NUP54: variants seen among roughly 807,000 people sequenced by gnomAD.
The protein encoded by NUP54 is nucleoporin 54.
NUP54 carries 27 observed loss-of-function variants against 66.4 expected under a neutral mutation model. That is an observed-to-expected ratio of 0.41 (90% CI 0.30 to 0.56). The LOEUF is 0.56. Ranked by LOEUF, NUP54 falls within the 20% of genes least tolerant of loss-of-function variation. NUP54 has a pLI of 0.34. For synonymous variants in NUP54, 206 were observed against 210.7 expected (o/e 0.98, Z 0.19); for missense variants, 486 against 596.3 (o/e 0.82, Z 1.93).
intron 8 of NUP54, among the ~76,000 whole-genome samples, chr4:76,126,635 C>T (rs970474344): frequency 8.7e-6 from 1 of 115,074 alleles, no homozygotes; most frequent in African/African-American, 2.8e-5. Context: ...AATACTAAAA[C>T]CATCTAGGAA....
chr4:76,146,572 C>T (rs918647456), intron 1 of NUP54, among the ~76,000 whole-genome samples: 2 of 149,196 alleles, frequency 1.3e-5, no homozygotes, highest in Non-Finnish European at 3.0e-5. Context: ...TCCCAATTAA[C>T]TTTTAGGGAG....
chr4:76,136,408 T>A lies in NUP54; in HGVS notation c.300A>T (p.Leu100Phe). ...FNTQQQQQTT[L>F]GGLFSQPTQA... Reference sequence around the variant, plus strand: ...GTGTAGGCTGACTGAAGAGACCACCTAATGCTAAAAATGTACCCAAAATTA... The same window carrying A: ...GTGTAGGCTGACTGAAGAGACCACCAAATGCTAAAAATGTACCCAAAATTA... Residue 100 changes from leucine (L) to phenylalanine (F), a missense_variant, in exon 4 of 12, where the codon TTA becomes TTT. Leu to Phe is a conservative substitution (Grantham distance 22). Coordinates refer to ENST00000264883, the MANE Select transcript of NUP54 (RefSeq NM_017426.4). The A allele has an allele frequency of 1.2e-6, 2 of 1,608,844 alleles. No individual in the cohort carries two copies.
chr4:76,140,071 T>C lies in NUP54; in HGVS notation c.296-3659A>G, dbSNP rs1466408265. 2.0e-5 allele frequency among the ~76,000 whole-genome samples: 3 copies of C among 152,036 alleles called. No homozygotes were observed. The East Asian group carries it at 5.8e-4, about 29-fold the overall frequency. On this transcript the variant is annotated intron_variant, in intron 3 of 11. Transcript: ENST00000264883. ...TTGTTATTACTGTTTCAAGAAAAAA[T>C]AAACTTTGAGTTACTTAAATGTGGA...
chr4:76,148,112 G>T, intron 1 of NUP54, 196 bp downstream of exon 1: 1 of 433,818 alleles, frequency 2.3e-6, no homozygotes, highest in Non-Finnish European at 4.1e-6. Context: ...AGCTTCTAGT[G>T]GGACCCCGAG....
intron 3 of NUP54, among the ~76,000 whole-genome samples, chr4:76,140,805 C>G (rs960444198): frequency 1.5e-4 from 23 of 152,098 alleles, no homozygotes; most frequent in Non-Finnish European, 1.9e-4. Context: ...CTTTCTCAAG[C>G]AATATCTACA....
In NUP54 at chr4:76,144,707, T is replaced by A. The variant is rs1015637636; in HGVS notation, c.68-234A>T. On this transcript the variant is annotated intron_variant, in intron 1 of 11. Coordinates refer to ENST00000264883, the MANE Select transcript of NUP54 (RefSeq NM_017426.4). The stretch of plus-strand genomic sequence containing the variant: ...AATAGAAATATCACAATGTAATATA[T>A]ACCCTTCAATTAAAGGGGTGGTTAA... Among the ~76,000 whole-genome samples the A allele has an allele frequency of 4.6e-5, 7 of 152,294 alleles. 1 individual carries two copies. The highest frequency in any genetic ancestry group is 1.7e-4 in the African/African-American group (7 of 41,564).
At position 76,118,143 on chromosome 4, in the gene NUP54, C is replaced by T; in HGVS notation, c.1216G>A (p.Asp406Asn). ...QRKSGYAIQA[D>N]EEQLRVQLDT... ...AGCTGAACTCGCAACTGCTCTTCAT[C>T]AGCCTGAATGGCATAACCACTCTTC... Residue 406 changes from aspartate to asparagine, a missense_variant, in exon 10 of 12, where the codon GAT becomes AAT. Physicochemically the swap from Asp to Asn is conservative, Grantham distance 23. Around this residue, in one of 4 missense-constraint regions of NUP54, gnomAD observed 83 missense variants for 128.6 expected, o/e 0.65. Transcript: ENST00000264883. The T allele has an allele frequency of 6.2e-7, 1 of 1,613,590 alleles. No individual in the cohort carries two copies. Among genetic ancestry groups the T allele is most frequent in the Non-Finnish European group, 8.5e-7 (1 of 1,179,520 alleles).
intron 8 of NUP54, among the ~76,000 whole-genome samples, chr4:76,125,139 G>GA (rs76968621): frequency 0.13 from 19,894 of 151,714 alleles, 1,523 homozygotes; most frequent in East Asian, 0.35. Flanking sequence ...AAAATACAAA[G>GA]AAGTAGCTGG....
chr4:76,139,352 T>C (rs922871004), intron 3 of NUP54, among the ~76,000 whole-genome samples: 3 of 152,168 alleles, frequency 2.0e-5, no homozygotes, highest in Non-Finnish European at 4.4e-5. Context: ...ACAGCACCAC[T>C]TGCAAAATGT....
rs1046109020 is a variant in NUP54 at position 76,119,083 on chromosome 4, C to T, written c.1165-889G>A. Among the ~76,000 whole-genome samples, 12 of 152,154 alleles carry T rather than the reference C, an allele frequency of 7.9e-5. 1 individual carries two copies. Among genetic ancestry groups the T allele is most frequent in the African/African-American group, 1.2e-4 (5 of 41,444 alleles). On this transcript the variant is annotated intron_variant, in intron 9 of 11. Transcript: ENST00000264883. ...TAGACAACATAATACCAGTTTCAGACATTTACTCACAGCCTTTCCAAATAA... is the reference window on the plus strand; with the variant it reads ...TAGACAACATAATACCAGTTTCAGATATTTACTCACAGCCTTTCCAAATAA...
Position 76,136,173 on chromosome 4 carries a change from G to C in NUP54, c.522+13C>G. On this transcript the variant is annotated intron_variant, in intron 4 of 11. Coordinates refer to ENST00000264883, the MANE Select transcript of NUP54 (RefSeq NM_017426.4). ...AAATCTTCAACTGAAGATAAAAATA[G>C]TATTAATAATACCTTAAATCGGCAA... 1 of 1,560,074 alleles carries C rather than the reference G, an allele frequency of 6.4e-7. No homozygotes were observed. The highest frequency in any genetic ancestry group is 8.8e-7 in the Non-Finnish European group (1 of 1,132,384).
chr4:76,129,276 T>C (rs973289360), intron 8 of NUP54, among the ~76,000 whole-genome samples: 12 of 152,096 alleles, frequency 7.9e-5, no homozygotes, highest in African/African-American at 2.7e-4. Context: ...AAGAGGGATA[T>C]GATATAATAA....
chr4:76,131,687 T>C (rs1730809413), intron 6 of NUP54, among the ~76,000 whole-genome samples: 2 of 152,080 alleles, frequency 1.3e-5, no homozygotes, highest in Non-Finnish European at 2.9e-5. Context: ...AAAAATAACA[T>C]TCCTGTTATG....
At chr4:76,130,591 G>A (rs1032811162) in intron 8 of NUP54, 65 bp downstream of exon 8, 1 of 1,070,262 alleles carries the variant, frequency 9.3e-7, no homozygotes, top group Non-Finnish European at 1.4e-6. Flanking sequence ...ATACTAAAAA[G>A]AATTAAATGT....
In NUP54 at chr4:76,144,295, T is replaced by C; in HGVS notation, c.152-3A>G. 3.1e-6 allele frequency: 5 copies of C among 1,599,990 alleles called. No homozygotes were observed. The highest frequency in any genetic ancestry group is 4.2e-6 in the Non-Finnish European group (5 of 1,176,600). ...GTTCTGAGTACCACCAAAGAGTCCTTTGAATGAAAAATTGGAACTTCGTAA... is the reference window on the plus strand; with the variant it reads ...GTTCTGAGTACCACCAAAGAGTCCTCTGAATGAAAAATTGGAACTTCGTAA... On this transcript the variant is annotated splice_polypyrimidine_tract_variant and splice_region_variant and intron_variant, in intron 2 of 11. Transcript: ENST00000264883.
intron 7 of NUP54, 184 bp from the exon 8 acceptor site, chr4:76,130,933 T>G (rs991724442): frequency 2.8e-5 from 17 of 610,108 alleles, no homozygotes; most frequent in Non-Finnish European, 3.8e-5. Flanking sequence ...ATTTTACAAA[T>G]GAGGAAATAC....
chr4:76,138,306 A>G (rs1578689824), intron 3 of NUP54, among the ~76,000 whole-genome samples: 1 of 151,872 alleles, frequency 6.6e-6, no homozygotes, highest in East Asian at 2.0e-4. Context: ...ACCGAGACAT[A>G]TGCAGTCAGC....
At chr4:76,145,520 G>A (rs1731461385) in intron 1 of NUP54, 6 of 1,188,210 alleles carry the variant, frequency 5.0e-6, no homozygotes, top group Non-Finnish European at 6.5e-6. Flanking sequence ...TCAAGACTAA[G>A]TAACTTTTCA....
intron 8 of NUP54, among the ~76,000 whole-genome samples, chr4:76,127,870 A>T (rs192362816): frequency 6.6e-6 from 1 of 152,354 alleles, no homozygotes; most frequent in African/African-American, 2.4e-5. Context: ...GACAAGATGG[A>T]CTAAGCATAT....
Sources: allele counts gnomAD v4.1 joint callset (sites outside exome capture counted in the v4.1 genomes callset), GRCh38; gene constraint gnomAD v4.1.1; regional missense constraint gnomAD v4.1.1; transcripts MANE v1.5; gene names NCBI Gene and HGNC (gene_info 2026-07-23, HGNC 2026-07-21).